Variants in MYT1L observed in about 807,000 individuals in gnomAD.
MYT1L encodes myelin transcription factor 1 like, also known as myelin transcription factor 1-like protein.
In MYT1L, 12 loss-of-function variants were observed where a neutral mutation model predicts 126.7. The observed-to-expected ratio is 0.09, with a 90% CI of 0.06 to 0.15. The LOEUF (loss-of-function observed/expected upper bound fraction) is 0.15. Among genes scored for constraint, MYT1L ranks in the 10% least tolerant of loss-of-function variants. The probability of loss-of-function intolerance (pLI) is 1.00; values close to 1 mark genes in which losing one functional copy is unlikely to be tolerated. For synonymous variants in MYT1L, 541 were observed against 604.2 expected (o/e 0.90, Z 1.53); for missense variants, 979 against 1,585.2 (o/e 0.62, Z 6.49).
In MYT1L at chr2:1,811,558, C is replaced by T. The variant is rs906430966; in HGVS notation, c.3081-2391G>A. On this transcript the variant is annotated intron_variant, in intron 21 of 24. Transcript: ENST00000647738. The surrounding 1 kb of genome is among the most constrained non-coding windows in gnomAD (Gnocchi z 4.4). ...TCTCCTGCTTGCCCTGACTGCATCC[C>T]CAGGAATCCGGACAGTCCCTGAGGG... The T allele has an allele frequency of 6.6e-6, 1 of 152,248 alleles. No individual in the cohort carries two copies. Among genetic ancestry groups the T allele is most frequent in the Non-Finnish European group, 1.5e-5 (1 of 68,084 alleles). The allele number at this position is 152,248 out of a possible 1,614,324, so 9.4% of individuals were successfully genotyped here. A position where few individuals can be genotyped will look rare whatever the true frequency, so the allele number is the denominator to read the frequency against.
chr2:1,851,989 C>T (rs1226788075), intron 18 of MYT1L, among the ~76,000 whole-genome samples: 1 of 152,158 alleles, frequency 6.6e-6, no homozygotes, highest in Non-Finnish European at 1.5e-5. Context: ...GTATTCCCTC[C>T]TAACAGCCCG....
chr2:2,140,432 C>CTTTTTTTTTTTTTTTTTT (rs35297300), intron 3 of MYT1L, among the ~76,000 whole-genome samples: 1 of 112,972 alleles, frequency 8.9e-6, no homozygotes, highest in Non-Finnish European at 1.8e-5. Flanking sequence ...CTTTCTTTTT[C>CTTTTTTTTTTTTTTTTTT]TTTTTTTTTT....
At chr2:2,048,480 G>A (rs921590499) in intron 4 of MYT1L, among the ~76,000 whole-genome samples, 2 of 152,156 alleles carry the variant, frequency 1.3e-5, no homozygotes, top group South Asian at 2.1e-4. Flanking sequence ...TGGGGCACCT[G>A]ACACCGCTGG....
chr2:2,322,290 T>C (rs1288785216), intron 1 of MYT1L, among the ~76,000 whole-genome samples: 2 of 152,002 alleles, frequency 1.3e-5, no homozygotes, highest in Non-Finnish European at 2.9e-5. Flanking sequence ...CACAGGGTAC[T>C]TAAGTCAAAG....
Position 1,979,740 on chromosome 2 carries a change from C to A in MYT1L, c.38G>T (p.Arg13Leu), listed in dbSNP as rs1283007781. The A allele has an allele frequency of 6.2e-7, 1 of 1,613,962 alleles. No individual in the cohort carries two copies. Among genetic ancestry groups the A allele is most frequent in the Admixed American group, 1.7e-5 (1 of 60,020 alleles). Residue 13 changes from arginine (R) to leucine (L), a missense_variant, in exon 6 of 25, where the codon CGG becomes CTG. Physicochemically the swap from Arg to Leu is moderately radical, Grantham distance 102 (BLOSUM62 -2). This residue lies in a region of MYT1L where 50 missense variants were observed against 48.6 expected (regional missense o/e 1.03). Transcript: ENST00000647738. The surrounding 1 kb of genome is among the most constrained non-coding windows in gnomAD (Gnocchi z 4.0). Reference sequence around the variant, plus strand: ...GGACATACCTCGAACCCCTTTGGACCGCGTGCGATGCCGCTTCTCCTCGGT... The same window carrying A: ...GGACATACCTCGAACCCCTTTGGACAGCGTGCGATGCCGCTTCTCCTCGGT... ...VDTEEKRHRTRSKGVRVPVEP... is the reference protein window; with the variant it reads ...VDTEEKRHRTLSKGVRVPVEP...
intron 21 of MYT1L, among the ~76,000 whole-genome samples, chr2:1,814,241 T>C (rs2037275934): frequency 6.6e-6 from 1 of 152,072 alleles, no homozygotes; most frequent in Non-Finnish European, 1.5e-5. Context: ...TGTCCCGCCC[T>C]GTCCCCATCC....
intron 9 of MYT1L, among the ~76,000 whole-genome samples, chr2:1,938,709 G>C (rs939551176): frequency 1.3e-5 from 2 of 152,172 alleles, no homozygotes; most frequent in Non-Finnish European, 2.9e-5. Context: ...TGTATGATGA[G>C]AGTAAAAGAG....
At chr2:2,283,273 T>A (rs1489596317) in intron 2 of MYT1L, among the ~76,000 whole-genome samples, 2 of 152,226 alleles carry the variant, frequency 1.3e-5, no homozygotes, top group African/African-American at 4.8e-5. Flanking sequence ...TCCAGTGCTT[T>A]AAAAATTATA....
chr2:1,902,224 A>G (rs1558333788), intron 14 of MYT1L, among the ~76,000 whole-genome samples: 1 of 152,262 alleles, frequency 6.6e-6, no homozygotes, highest in Admixed American at 6.5e-5. Flanking sequence ...TGAAATGGTA[A>G]CTAGTTCATA....
chr2:2,288,902 G>A (rs114781901), intron 1 of MYT1L, among the ~76,000 whole-genome samples: 24 of 152,234 alleles, frequency 1.6e-4, no homozygotes, highest in Non-Finnish European at 2.8e-4. Flanking sequence ...TCTTCAAATC[G>A]ATAGCTTCTT....
chr2:2,009,935 A>C (rs2149749176), intron 4 of MYT1L, among the ~76,000 whole-genome samples: 1 of 146,974 alleles, frequency 6.8e-6, no homozygotes, highest in East Asian at 2.0e-4. Flanking sequence ...AGGGTGTTGA[A>C]CTTTGTGAAA....
chr2:1,867,214 G>C (rs1211687658), intron 18 of MYT1L, among the ~76,000 whole-genome samples: 2 of 152,090 alleles, frequency 1.3e-5, no homozygotes, highest in Non-Finnish European at 2.9e-5. Flanking sequence ...TGGGGTGAGG[G>C]CGCCTGTCAG....
chr2:1,813,430 G>C (rs2037025746), intron 21 of MYT1L, among the ~76,000 whole-genome samples: 3 of 152,132 alleles, frequency 2.0e-5, no homozygotes, highest in Non-Finnish European at 4.4e-5. Context: ...GCTTCCAGCA[G>C]CTTCTCTGAG....
intron 3 of MYT1L, among the ~76,000 whole-genome samples, chr2:2,149,340 T>C (rs1298695366): frequency 6.6e-6 from 1 of 152,134 alleles, no homozygotes; most frequent in Non-Finnish European, 1.5e-5. Context: ...GGGAAGGCAA[T>C]CCCAAGGCCA....
chr2:2,093,327 CT>C (rs1227222527), intron 3 of MYT1L, among the ~76,000 whole-genome samples: 1 of 119,092 alleles, frequency 8.4e-6, no homozygotes, highest in Admixed American at 9.6e-5. Flanking sequence ...GGCGGGGGGG[CT>C]TTTTTTACTC....
intron 9 of MYT1L, among the ~76,000 whole-genome samples, chr2:1,930,480 G>A (rs13016585): frequency 2.6e-5 from 4 of 151,756 alleles, no homozygotes; most frequent in Middle Eastern, 3.2e-3. Flanking sequence ...CTACCATAAC[G>A]ACCTCCCTGC....
chr2:2,226,323 G>T (rs2094007877), intron 2 of MYT1L, among the ~76,000 whole-genome samples: 3 of 151,172 alleles, frequency 2.0e-5, no homozygotes, highest in African/African-American at 7.4e-5. Context: ...GAGGAATGAA[G>T]CATATTTGTT....
chr2:1,992,774 T>C (rs2061542664), intron 5 of MYT1L, among the ~76,000 whole-genome samples: 2 of 152,220 alleles, frequency 1.3e-5, no homozygotes, highest in Non-Finnish European at 2.9e-5. Context: ...GCCTGGGGAC[T>C]ACATTGCCCT....
intron 8 of MYT1L, among the ~76,000 whole-genome samples, chr2:1,962,430 CT>C (rs1450419055): frequency 6.6e-6 from 1 of 152,184 alleles, no homozygotes; most frequent in Non-Finnish European, 1.5e-5. Context: ...GCGTCCTAAT[CT>C]TTTTGCTGGC....
Sources: gnomAD v4.1 joint callset for allele counts (sites outside exome capture counted in the v4.1 genomes callset) on GRCh38, gnomAD v4.1.1 for gene constraint, gnomAD v4.1.1 regional missense constraint, Gnocchi (gnomAD v3.1) non-coding constraint, MANE v1.5 for transcripts, NCBI Gene and HGNC (gene_info 2026-07-23, HGNC 2026-07-21) for gene names.